PKP4: variants seen among roughly 807,000 people sequenced by gnomAD.
PKP4 encodes plakophilin 4, also known as plakophilin-4.
Under a neutral mutation model 145.1 loss-of-function variants are expected in PKP4, and 90 were observed. The ratio of observed to expected loss-of-function variants is 0.62; its 90% CI spans 0.52 to 0.74. PKP4 has a LOEUF of 0.74. Among genes scored for constraint, PKP4 ranks in the 30% least tolerant of loss-of-function variants. PKP4 has a pLI of 0.00. For synonymous variants in PKP4, 563 were observed against 577.2 expected (o/e 0.98, Z 0.35); for missense variants, 1,340 against 1,482.7 (o/e 0.90, Z 1.58).
chr2:158,559,103 G>T, intron 2 of PKP4, among the ~76,000 whole-genome samples: 1 of 152,258 alleles, frequency 6.6e-6, no homozygotes. Context: ...TAGATTTCAG[G>T]CTCCAGTGTG....
At chr2:158,495,912 T>A (rs1695643113) in intron 1 of PKP4, among the ~76,000 whole-genome samples, 1 of 152,072 alleles carries the variant, frequency 6.6e-6, no homozygotes, top group African/African-American at 2.4e-5. Flanking sequence ...TTTTAACCTT[T>A]CATTATGGTA....
intron 11 of PKP4, among the ~76,000 whole-genome samples, chr2:158,657,855 A>G (rs1458568403): frequency 6.6e-6 from 1 of 152,118 alleles, no homozygotes; most frequent in Non-Finnish European, 1.5e-5. Context: ...TGCTTTGCAA[A>G]ATCCACAGTC....
At chr2:158,670,613 C>T (rs2057471977) in intron 17 of PKP4, among the ~76,000 whole-genome samples, 1 of 152,186 alleles carries the variant, frequency 6.6e-6, no homozygotes, top group African/African-American at 2.4e-5. Context: ...TTCCCTTGTG[C>T]CCTTGTCTCT....
At chr2:158,676,662 G>C (rs2058035694) in intron 19 of PKP4, 77 bp from the exon 20 acceptor site, 2 of 1,536,072 alleles carry the variant, frequency 1.3e-6, no homozygotes, top group African/African-American at 1.4e-5. Flanking sequence ...TGTGTTTCTG[G>C]AGAGGATTTT....
chr2:158,675,338 C>A (rs2057916383), intron 19 of PKP4, among the ~76,000 whole-genome samples: 1 of 151,112 alleles, frequency 6.6e-6, no homozygotes, highest in East Asian at 1.9e-4. Flanking sequence ...TTTTTAGTTC[C>A]TCAGTTATTG....
chr2:158,675,596 G>C (rs1275130205), intron 19 of PKP4, among the ~76,000 whole-genome samples: 1 of 152,162 alleles, frequency 6.6e-6, no homozygotes, highest in African/African-American at 2.4e-5. Flanking sequence ...GTTATTCTAA[G>C]GGCTGATAAT....
chr2:158,621,463 C>T (rs779098312), intron 6 of PKP4, 42 bp downstream of exon 6: 20 of 1,547,652 alleles, frequency 1.3e-5, no homozygotes, highest in African/African-American at 1.1e-4. Context: ...AAATACCTTC[C>T]GGCCGGGCAC....
At chr2:158,615,566 G>A (rs946808834) in intron 4 of PKP4, among the ~76,000 whole-genome samples, 1 of 151,720 alleles carries the variant, frequency 6.6e-6, no homozygotes, top group South Asian at 2.1e-4. Context: ...GACTATTTGT[G>A]GAAATTTCTC....
At chr2:158,522,924 G>A (rs904964538) in intron 1 of PKP4, among the ~76,000 whole-genome samples, 27 of 152,254 alleles carry the variant, frequency 1.8e-4, no homozygotes, top group South Asian at 6.2e-4. Flanking sequence ...TTTTCAGACC[G>A]GCTTAAAAAA....
At chr2:158,560,964 G>T (rs185910145) in intron 2 of PKP4, among the ~76,000 whole-genome samples, 1 of 152,304 alleles carries the variant, frequency 6.6e-6, no homozygotes, top group East Asian at 1.9e-4. Context: ...AGGCTTACAA[G>T]TTGTTAAACT....
chr2:158,638,470 T>C (rs2053998598), intron 9 of PKP4, among the ~76,000 whole-genome samples: 1 of 152,288 alleles, frequency 6.6e-6, no homozygotes, highest in East Asian at 1.9e-4. Context: ...TCTAACTCCA[T>C]ATTCTGTGCT....
intron 6 of PKP4, among the ~76,000 whole-genome samples, chr2:158,623,847 C>G (rs113060462): frequency 0.011 from 1,722 of 152,286 alleles, 39 homozygotes; most frequent in African/African-American, 0.038. Context: ...TAACCTGGAT[C>G]CCTAATGTCT....
At chr2:158,549,699 C>T (rs565924482) in intron 2 of PKP4, among the ~76,000 whole-genome samples, 1 of 152,170 alleles carries the variant, frequency 6.6e-6, no homozygotes, top group East Asian at 1.9e-4. Context: ...TTTAATCTTC[C>T]GTGTTGACCA....
At chr2:158,629,754 A>C (rs2053171463) in intron 7 of PKP4, among the ~76,000 whole-genome samples, 1 of 151,974 alleles carries the variant, frequency 6.6e-6, no homozygotes, top group South Asian at 2.1e-4. Context: ...TCTGTTGCCC[A>C]GGCTGGCGTG....
intron 4 of PKP4, among the ~76,000 whole-genome samples, chr2:158,614,973 A>G (rs2051453400): frequency 6.6e-6 from 1 of 151,948 alleles, no homozygotes; most frequent in Non-Finnish European, 1.5e-5. Flanking sequence ...TCTTATGACA[A>G]AGTTAGTCTG....
At chr2:158,566,343 G>A (rs192447920) in intron 2 of PKP4, among the ~76,000 whole-genome samples, 3 of 152,106 alleles carry the variant, frequency 2.0e-5, no homozygotes, top group Admixed American at 1.3e-4. Flanking sequence ...GAGAAAATTG[G>A]TCATTTATTC....
intron 2 of PKP4, among the ~76,000 whole-genome samples, chr2:158,551,493 T>C (rs2045621866): frequency 6.6e-6 from 1 of 152,172 alleles, no homozygotes; most frequent in South Asian, 2.1e-4. Context: ...ACCCTCGCCC[T>C]TCCTCAACCT....
chr2:158,528,760 C>T (rs1352071934), intron 1 of PKP4, among the ~76,000 whole-genome samples: 2 of 149,380 alleles, frequency 1.3e-5, no homozygotes, highest in Non-Finnish European at 3.0e-5. Context: ...CATACCCACA[C>T]ATGTAAGAGT....
chr2:158,499,929 T>A (rs1696306004), intron 1 of PKP4, among the ~76,000 whole-genome samples: 1 of 152,236 alleles, frequency 6.6e-6, no homozygotes, highest in African/African-American at 2.4e-5. Flanking sequence ...TTGCAACTTC[T>A]GATTCTGTTA....
Sources: gnomAD v4.1 joint callset for allele counts (sites outside exome capture counted in the v4.1 genomes callset) on GRCh38, gnomAD v4.1.1 for gene constraint, MANE v1.5 for transcripts, NCBI Gene and HGNC (gene_info 2026-07-23, HGNC 2026-07-21) for gene names.